The following PKHD1L1 variants were observed in gnomAD, a reference collection of about 807,000 sequenced individuals.
PKHD1L1 encodes the protein fibrocystin-L.
PKHD1L1 carries 434 observed loss-of-function variants against 462.9 expected under a neutral mutation model. The observed-to-expected ratio is 0.94, with a 90% CI of 0.87 to 1.02. PKHD1L1 has a LOEUF of 1.02. Among genes scored for constraint, PKHD1L1 ranks in the 50% least tolerant of loss-of-function variants. The pLI is 0.00. For synonymous variants in PKHD1L1, 1,781 were observed against 1,750.0 expected, an observed-to-expected ratio of 1.02 and a Z score of -0.44; for missense variants, 5,202 against 5,096.1, an observed-to-expected ratio of 1.02 and a Z score of -0.63.
chr8:109,522,956 A>G, intron 75 of PKHD1L1, 66 bp downstream of exon 75: 2 of 1,454,554 alleles, frequency 1.4e-6, no homozygotes, highest in South Asian at 1.4e-5. Context: ...AGGATGAGCC[A>G]GTTTCACTCA....
chr8:109,483,075 C>T lies in PKHD1L1; in HGVS notation c.9546C>T (p.Val3182=), dbSNP rs754890232. The T allele has an allele frequency of 6.2e-7, 1 of 1,600,326 alleles. No individual in the cohort carries two copies. Among genetic ancestry groups the T allele is most frequent in the Admixed American group, 1.7e-5 (1 of 57,842 alleles). ...LSETAFAGSK[V]LSLMDAVDWQ... ...AAACTGCATTTGCAGGTTCCAAAGT[C>T]CTGTCTCTGATGGATGCTGTGGATT... The change falls in exon 57 of 78, where the codon GTC becomes GTT. Residue 3182 remains valine (V), a synonymous_variant. Coordinates refer to ENST00000378402, the MANE Select transcript of PKHD1L1 (RefSeq NM_177531.6).
chr8:109,375,093 C>T lies in PKHD1L1; in HGVS notation c.164-6277C>T, dbSNP rs187883511. Among the ~76,000 whole-genome samples the T allele has an allele frequency of 2.0e-3, 298 of 152,188 alleles. 2 individuals carry two copies. The highest frequency in any genetic ancestry group is 6.7e-3 in the African/African-American group (280 of 41,522). Reference sequence around the variant, plus strand: ...TTCTCCTGGATAATATCCTGCAGAGCGTTTTCCAACTTGGTTCCATTCTCC... The same window carrying T: ...TTCTCCTGGATAATATCCTGCAGAGTGTTTTCCAACTTGGTTCCATTCTCC... On this transcript the variant is annotated intron_variant, in intron 2 of 77. Coordinates refer to ENST00000378402, the MANE Select transcript of PKHD1L1 (RefSeq NM_177531.6).
chr8:109,404,635 T>C lies in PKHD1L1; in HGVS notation c.1455T>C (p.Tyr485=), dbSNP rs1426239482. 2 of 1,608,904 alleles carry C rather than the reference T, an allele frequency of 1.2e-6. No individual in the cohort carries two copies. The highest frequency in any genetic ancestry group is 1.7e-6 in the Non-Finnish European group (2 of 1,177,302). ...DVGLYQYRNV[Y]TEQQTGDAVN... is the part of the protein sequence containing the mutation. ...GACTGTACCAGTATCGAAATGTTTATACTGAACAACAAACAGGAGATGCAG... is the reference window on the plus strand; with the variant it reads ...GACTGTACCAGTATCGAAATGTTTACACTGAACAACAAACAGGAGATGCAG... Residue 485 remains tyrosine, a synonymous_variant, in exon 15 of 78, where the codon TAT becomes TAC. Coordinates refer to ENST00000378402, the MANE Select transcript of PKHD1L1 (RefSeq NM_177531.6).
intron 2 of PKHD1L1, among the ~76,000 whole-genome samples, chr8:109,379,017 A>C (rs949839677): frequency 6.6e-6 from 1 of 152,172 alleles, no homozygotes; most frequent in Non-Finnish European, 1.5e-5. Flanking sequence ...GTGCTAGCGC[A>C]TTGGGCCCAT....
At position 109,480,144 on chromosome 8, in the gene PKHD1L1, G is replaced by C. The variant is rs1292214765; in HGVS notation, c.9327+5G>C. 6.5e-7 allele frequency: 1 copy of C among 1,546,446 alleles called. No homozygotes were observed. The highest frequency in any genetic ancestry group is 8.7e-7 in the Non-Finnish European group (1 of 1,150,528). On this transcript the variant is annotated splice_donor_5th_base_variant and intron_variant, in intron 55 of 77. Transcript: ENST00000378402. ...GCTACCTACATATCACTGCAGGTAA[G>C]AGTGAGGGCCTTGTAGTTTATATCT... is the stretch of plus-strand genomic sequence containing the variant.
intron 61 of PKHD1L1, 33 bp downstream of exon 61, chr8:109,491,134 A>T: frequency 6.3e-7 from 1 of 1,585,990 alleles, no homozygotes; most frequent in Non-Finnish European, 8.6e-7. Context: ...CAAATTACAC[A>T]TCCTGTGGAG....
In PKHD1L1 at chr8:109,456,242, A is replaced by G; in HGVS notation, c.6875-20A>G. On this transcript the variant is annotated intron_variant, in intron 45 of 77. Transcript: ENST00000378402. Reference sequence around the variant, plus strand: ...ATCAAACACATGTAAGGAAATACTCAGTGTGTATGTTGGTTCTAGGTGTGC... The same window carrying G: ...ATCAAACACATGTAAGGAAATACTCGGTGTGTATGTTGGTTCTAGGTGTGC... 1 of 1,596,168 alleles carries G rather than the reference A, an allele frequency of 6.3e-7. No individual in the cohort carries two copies. Among genetic ancestry groups the G allele is most frequent in the Non-Finnish European group, 8.5e-7 (1 of 1,173,660 alleles).
intron 21 of PKHD1L1, among the ~76,000 whole-genome samples, chr8:109,414,450 A>G (rs1431549180): frequency 6.6e-6 from 1 of 152,146 alleles, no homozygotes; most frequent in Non-Finnish European, 1.5e-5. Flanking sequence ...TCTCATAAAA[A>G]TAACCATGGT....
chr8:109,429,383 T>A lies in PKHD1L1; in HGVS notation c.3044T>A (p.Val1015Asp). 1 of 1,568,574 alleles carries A rather than the reference T, an allele frequency of 6.4e-7. No homozygotes were observed. Among genetic ancestry groups the A allele is most frequent in the Non-Finnish European group, 8.7e-7 (1 of 1,146,058 alleles). ...NIIGEKANMT[V>D]TRIKEGGLFR... is the part of the protein sequence containing the mutation. The stretch of plus-strand genomic sequence containing the variant: ...ATTGGAGAAAAGGCTAATATGACAG[T>A]TACAAGGATAAAGGAAGGTGGCTTA... The change falls in exon 26 of 78, where the codon GTT (valine) becomes GAT (aspartate). Residue 1015 changes from valine to aspartate, a missense_variant. Transcript: ENST00000378402.
chr8:109,507,123 C>T (rs908072359), intron 68 of PKHD1L1, among the ~76,000 whole-genome samples: 2 of 152,090 alleles, frequency 1.3e-5, no homozygotes, highest in African/African-American at 4.8e-5. Context: ...ATATACTAAT[C>T]TGCAATTGGT....
intron 26 of PKHD1L1, 53 bp from the exon 27 acceptor site, chr8:109,429,879 C>A: frequency 1.7e-6 from 2 of 1,172,156 alleles, no homozygotes; most frequent in Non-Finnish European, 2.5e-6. Context: ...TATTCATATT[C>A]TACTGCTGCC....
rs187851951 is a variant in PKHD1L1, at chr8:109,405,229, G to A, written c.1669+99G>A. 4.1e-6 allele frequency: 3 copies of A among 735,382 alleles called. No homozygotes were observed. In the South Asian group the frequency reaches 1.3e-4, roughly 33 times the overall value. The allele number at this position is 735,382 out of a possible 1,614,324, so 45.6% of individuals were successfully genotyped here. A position where few individuals can be genotyped will look rare whatever the true frequency, so the allele number is the denominator to read the frequency against. On this transcript the variant is annotated intron_variant, in intron 16 of 77. Transcript: ENST00000378402. ...CAAATTACACTGTCTGGAAAATATAGTTTTGATGATATGCTAGACAAAGAA... is the reference window on the plus strand; with the variant it reads ...CAAATTACACTGTCTGGAAAATATAATTTTGATGATATGCTAGACAAAGAA...
chr8:109,498,323 G>C, intron 65 of PKHD1L1, 139 bp from the exon 66 acceptor site: 1 of 227,822 alleles, frequency 4.4e-6, no homozygotes, highest in Non-Finnish European at 7.1e-6. Flanking sequence ...GGATGGTCTC[G>C]ATCTCCTGAC....
chr8:109,412,263 A>G lies in PKHD1L1; in HGVS notation c.2086-2A>G, dbSNP rs1400371277. 1 of 1,612,256 alleles carries G rather than the reference A, an allele frequency of 6.2e-7. No individual in the cohort carries two copies. Among genetic ancestry groups the G allele is most frequent in the South Asian group, 1.1e-5 (1 of 90,816 alleles). On this transcript the variant is annotated splice_acceptor_variant, in intron 19 of 77. Transcript: ENST00000378402. LOFTEE classifies it high-confidence loss of function. ...TCATTTGAAATATTATTGTTTCGGTAGGAACATATTAACAGAGGGCAGAAG... is the reference window on the plus strand; with the variant it reads ...TCATTTGAAATATTATTGTTTCGGTGGGAACATATTAACAGAGGGCAGAAG...
intron 2 of PKHD1L1, among the ~76,000 whole-genome samples, chr8:109,370,208 T>G (rs1185990055): frequency 6.6e-6 from 1 of 152,134 alleles, no homozygotes; most frequent in Non-Finnish European, 1.5e-5. Flanking sequence ...AACCTCTGTC[T>G]CCCAGGTTCA....
intron 70 of PKHD1L1, among the ~76,000 whole-genome samples, chr8:109,510,450 T>C (rs910073027): frequency 2.0e-5 from 3 of 152,126 alleles, no homozygotes; most frequent in African/African-American, 7.2e-5. Flanking sequence ...AATATTATCA[T>C]TAAAGAAGAG....
intron 28 of PKHD1L1, among the ~76,000 whole-genome samples, chr8:109,434,937 G>A (rs368668347): frequency 5.4e-4 from 82 of 151,988 alleles, no homozygotes; most frequent in African/African-American, 1.7e-3. Flanking sequence ...AGTAGCATCC[G>A]AAGCAGATTG....
chr8:109,436,500 G>T, intron 30 of PKHD1L1, 41 bp downstream of exon 30: 1 of 1,603,096 alleles, frequency 6.2e-7, no homozygotes, highest in South Asian at 1.1e-5. Context: ...TCCTAAGTCT[G>T]AAATCTTATA....
At chr8:109,450,481 T>A (rs1017393203) in intron 40 of PKHD1L1, among the ~76,000 whole-genome samples, 4 of 152,160 alleles carry the variant, frequency 2.6e-5, no homozygotes, top group Non-Finnish European at 4.4e-5. Context: ...TTAAAAAATA[T>A]ATATATATAT....
Sources: gnomAD v4.1 joint callset for allele counts (sites outside exome capture counted in the v4.1 genomes callset) on GRCh38, gnomAD v4.1.1 for gene constraint, MANE v1.5 for transcripts, NCBI Gene and HGNC (gene_info 2026-07-23, HGNC 2026-07-21) for gene names.